Variants in MTMR14 observed in about 807,000 individuals in gnomAD.
The protein encoded by MTMR14 is phosphatidylinositol-3,5-bisphosphate 3-phosphatase MTMR14.
A neutral mutation model predicts 86.3 loss-of-function variants in MTMR14; 48 were observed. The observed-to-expected ratio is 0.56, with a 90% confidence interval of 0.44 to 0.71. MTMR14 has a LOEUF of 0.71. Among genes scored for constraint, MTMR14 ranks in the 30% least tolerant of loss-of-function variants. The pLI, the probability that MTMR14 is intolerant of heterozygous loss-of-function variation, is 0.00. For synonymous variants in MTMR14, 366 were observed against 326.1 expected (o/e 1.12, Z -1.32); for missense variants, 780 against 834.6 (o/e 0.93, Z 0.81).
Position 9,649,530 on chromosome 3 carries a change from A to C in MTMR14, c.-54A>C, listed in dbSNP as rs1046768707. 8 of 1,504,902 alleles carry C rather than the reference A, an allele frequency of 5.3e-6. No individual in the cohort carries two copies. In the African/African-American group the frequency reaches 7.0e-5, roughly 13 times the overall value. The allele number at this position is 1,504,902 out of a possible 1,614,324, so 93.2% of individuals were successfully genotyped here. A position where few individuals can be genotyped will look rare whatever the true frequency, so the allele number is the denominator to read the frequency against. ...AGGTTCTAGTGTCGGAGTTGGGTGC[A>C]GGCAGGTGCCATGGGCCCGCTTGAG... On this transcript the variant is annotated 5_prime_UTR_variant, in exon 1 of 19. Transcript: ENST00000296003.
At chr3:9,656,176 AG>A (rs1559557905) in intron 2 of MTMR14, among the ~76,000 whole-genome samples, 1 of 152,036 alleles carries the variant, frequency 6.6e-6, no homozygotes, top group Admixed American at 6.6e-5. Context: ...GCCTGGCGAC[AG>A]GGTGAGACTC....
In MTMR14 at chr3:9,653,615, G is replaced by A; in HGVS notation, c.160-6G>A. 1.2e-6 allele frequency: 2 copies of A among 1,614,092 alleles called. No homozygotes were observed. Among genetic ancestry groups the A allele is most frequent in the Admixed American group, 1.7e-5 (1 of 60,022 alleles). ...TCTTTGTGTTCTGGTCTCCTTCTCT[G>A]TGCAGGTTGAGCGCATTGAGAAGAG... On this transcript the variant is annotated splice_region_variant and splice_polypyrimidine_tract_variant and intron_variant, in intron 1 of 18. Transcript: ENST00000296003.
Position 9,689,063 on chromosome 3 carries a change from G to A in MTMR14, c.1414G>A (p.Ala472Thr). 6.2e-7 allele frequency: 1 copy of A among 1,612,704 alleles called. No homozygotes were observed. The highest frequency in any genetic ancestry group is 8.5e-7 in the Non-Finnish European group (1 of 1,180,038). The change falls in exon 16 of 19, where the codon GCG (alanine) becomes ACG (threonine). Residue 472 changes from alanine to threonine, a missense_variant. Coordinates refer to ENST00000296003, the MANE Select transcript of MTMR14 (RefSeq NM_001077525.3). ...YEAVELVPAG[A>T]PTQAAWRKSH... ...GGCCGTGGAGCTGGTCCCAGCAGGA[G>A]CGCCAACTCAGGCAGCTTGGTAAGG...
chr3:9,672,637 TTGTG>T (rs763877609), intron 6 of MTMR14, 44 bp from the exon 7 acceptor site: 5 of 1,457,654 alleles, frequency 3.4e-6, no homozygotes, highest in Non-Finnish European at 4.8e-6. Flanking sequence ...TGGTGTGTGT[TTGTG>T]TGTGTGTTGC....
At chr3:9,684,129 C>A (rs1002739814) in intron 10 of MTMR14, among the ~76,000 whole-genome samples, 9 of 152,180 alleles carry the variant, frequency 5.9e-5, no homozygotes, top group African/African-American at 2.2e-4. Flanking sequence ...ATGTTAGGTG[C>A]TGCAGAAACT....
chr3:9,690,599 C>T (rs1056689582), intron 17 of MTMR14, among the ~76,000 whole-genome samples: 1 of 152,196 alleles, frequency 6.6e-6, no homozygotes, highest in African/African-American at 2.4e-5. Flanking sequence ...GGTGACTGCA[C>T]ACCTGGAAAG....
intron 2 of MTMR14, among the ~76,000 whole-genome samples, chr3:9,660,144 G>A (rs1451735319): frequency 6.6e-6 from 1 of 152,184 alleles, no homozygotes; most frequent in East Asian, 1.9e-4. Flanking sequence ...TTGGTACCAA[G>A]GTGCCTTTTG....
intron 15 of MTMR14, 43 bp from the exon 16 acceptor site, chr3:9,688,901 G>A (rs2076050526): frequency 6.2e-7 from 1 of 1,613,404 alleles, no homozygotes; most frequent in Non-Finnish European, 8.5e-7. Flanking sequence ...GACCAGTAGT[G>A]GGAGAAGGTA....
At chr3:9,667,926 A>G (rs1178078011) in intron 3 of MTMR14, among the ~76,000 whole-genome samples, 1 of 152,124 alleles carries the variant, frequency 6.6e-6, no homozygotes, top group Non-Finnish European at 1.5e-5. Flanking sequence ...CAACTTCGCC[A>G]TTTCCCATTG....
chr3:9,656,536 A>G (rs1330368562), intron 2 of MTMR14, among the ~76,000 whole-genome samples: 1 of 151,822 alleles, frequency 6.6e-6, no homozygotes, highest in Non-Finnish European at 1.5e-5. Flanking sequence ...ATCCTTGTGC[A>G]TCAGCCTCCC....
chr3:9,656,841 G>T (rs1299729814), intron 2 of MTMR14, among the ~76,000 whole-genome samples: 2 of 152,094 alleles, frequency 1.3e-5, no homozygotes, highest in South Asian at 4.2e-4. Context: ...ACCCTCTTTG[G>T]TGCTGGCTGG....
intron 5 of MTMR14, among the ~76,000 whole-genome samples, chr3:9,669,985 T>A (rs1056770172): frequency 2.0e-5 from 3 of 152,184 alleles, no homozygotes; most frequent in African/African-American, 7.2e-5. Flanking sequence ...GTACTACACA[T>A]AAGAAGAGCT....
chr3:9,668,004 A>G (rs1442680722), intron 3 of MTMR14, among the ~76,000 whole-genome samples: 1 of 152,166 alleles, frequency 6.6e-6, no homozygotes, highest in Admixed American at 6.5e-5. Flanking sequence ...TCCCATCACC[A>G]GGTATCTCCT....
chr3:9,689,851 CAT>C (rs892049524), intron 16 of MTMR14, 111 bp from the exon 17 acceptor site: 9 of 1,071,798 alleles, frequency 8.4e-6, no homozygotes, highest in African/African-American at 3.1e-5. Flanking sequence ...TTTGCCAACT[CAT>C]GTGATGTTTT....
chr3:9,665,245 G>A (rs1410647659), intron 3 of MTMR14, among the ~76,000 whole-genome samples: 1 of 145,666 alleles, frequency 6.9e-6, no homozygotes, highest in African/African-American at 2.6e-5. Flanking sequence ...TCGTGCCATT[G>A]CACTCCAGCC....
chr3:9,658,930 C>T (rs1057152563), intron 2 of MTMR14, among the ~76,000 whole-genome samples: 13 of 152,326 alleles, frequency 8.5e-5, no homozygotes, highest in African/African-American at 2.9e-4. Context: ...TGGCTCACGC[C>T]TATAATCCTA....
At chr3:9,656,439 T>A (rs1293021120) in intron 2 of MTMR14, among the ~76,000 whole-genome samples, 2 of 152,018 alleles carry the variant, frequency 1.3e-5, no homozygotes, top group Non-Finnish European at 2.9e-5. Context: ...TTTTTTTTTT[T>A]AAGACAGAAT....
At chr3:9,653,248 G>T (rs2047408470) in intron 1 of MTMR14, among the ~76,000 whole-genome samples, 1 of 152,168 alleles carries the variant, frequency 6.6e-6, no homozygotes, top group African/African-American at 2.4e-5. Flanking sequence ...AAATAAATAA[G>T]AGAATGGGGA....
In MTMR14 at chr3:9,702,055, G is replaced by A; in HGVS notation, c.*82G>A. ...ATCAAAGCCATGCCTGGCCGAAGGG[G>A]TACTTCCAGGTCAGGGGAAATTTCA... On this transcript the variant is annotated 3_prime_UTR_variant, in exon 19 of 19. Coordinates refer to ENST00000296003, the MANE Select transcript of MTMR14 (RefSeq NM_001077525.3). 2 of 1,561,570 alleles carry A rather than the reference G, an allele frequency of 1.3e-6. No homozygotes were observed. Among genetic ancestry groups the A allele is most frequent in the Admixed American group, 1.7e-5 (1 of 59,428 alleles).
Sources: gnomAD v4.1 joint callset for allele counts (sites outside exome capture counted in the v4.1 genomes callset) on GRCh38, gnomAD v4.1.1 for gene constraint, MANE v1.5 for transcripts, NCBI Gene and HGNC (gene_info 2026-07-23, HGNC 2026-07-21) for gene names.